PSD3: variants seen among roughly 807,000 people sequenced by gnomAD.
The protein encoded by PSD3 is pleckstrin and Sec7 domain containing 3.
A neutral mutation model predicts 105.5 loss-of-function variants in PSD3; 49 were observed. That is an observed-to-expected ratio of 0.46 (90% CI 0.37 to 0.59). PSD3 has a LOEUF of 0.59. PSD3 is among the 20% of genes least tolerant of loss of function. PSD3 has a pLI of 0.00. For synonymous variants in PSD3, 557 were observed against 457.8 expected (o/e 1.22, Z -2.77); for missense variants, 1,561 against 1,263.8 (o/e 1.24, Z -3.57).
intron 9 of PSD3, among the ~76,000 whole-genome samples, chr8:18,691,955 A>G (rs1379317853): frequency 2.6e-5 from 4 of 152,242 alleles, no homozygotes; most frequent in East Asian, 3.8e-4. Flanking sequence ...TCATTTATCA[A>G]AAGTCCTCTA....
intron 9 of PSD3, among the ~76,000 whole-genome samples, chr8:18,737,968 T>C (rs1333416086): frequency 2.0e-5 from 3 of 152,188 alleles, no homozygotes; most frequent in Admixed American, 2.0e-4. Context: ...AGAAACTGCT[T>C]ATAAATTATT....
chr8:18,964,676 C>T (rs1016369866), intron 1 of PSD3, among the ~76,000 whole-genome samples: 1 of 152,084 alleles, frequency 6.6e-6, no homozygotes. Context: ...TGAGTGGTTC[C>T]GAACTGCCTA....
intron 2 of PSD3, among the ~76,000 whole-genome samples, chr8:18,919,273 G>A (rs956964385): frequency 6.6e-5 from 10 of 152,072 alleles, no homozygotes; most frequent in South Asian, 2.1e-4. Context: ...AAGGAGTTTC[G>A]TATCTCTGCT....
At chr8:18,600,232 A>T (rs950194016) in intron 12 of PSD3, 132 bp downstream of exon 12, 117 of 834,156 alleles carry the variant, frequency 1.4e-4, no homozygotes, top group Middle Eastern at 6.7e-4. Flanking sequence ...TCCGCTGAAA[A>T]TTTTTTAACA....
At chr8:18,923,556 C>G (rs910466540) in intron 2 of PSD3, among the ~76,000 whole-genome samples, 8 of 152,168 alleles carry the variant, frequency 5.3e-5, no homozygotes, top group African/African-American at 1.4e-4. Context: ...TTTAGACATA[C>G]AAAGACCACT....
intron 15 of PSD3, among the ~76,000 whole-genome samples, chr8:18,549,171 T>C (rs993445854): frequency 2.6e-5 from 3 of 115,752 alleles, no homozygotes; most frequent in Non-Finnish European, 5.1e-5. Flanking sequence ...ATTCTGTCTA[T>C]TCTCAGTTTT....
rs746752362 is a variant in PSD3 at position 18,872,315 on chromosome 8, G to A, written c.549C>T (p.Val183=). 6.2e-7 allele frequency: 1 copy of A among 1,614,136 alleles called. No individual in the cohort carries two copies. Among genetic ancestry groups the A allele is most frequent in the Admixed American group, 1.7e-5 (1 of 60,020 alleles). Residue 183 remains valine (V), a synonymous_variant, in exon 3 of 16, where the codon GTC becomes GTT. Coordinates refer to ENST00000327040, the MANE Select transcript of PSD3 (RefSeq NM_015310.4). The part of the protein sequence containing the change: ...LDTASRKTQR[V]NKTLPAGQKN... ...TTTGGCCAGCAGGGAGCGTTTTGTT[G>A]ACTCTCTGTGTTTTACGACTGGCAG...
intron 9 of PSD3, among the ~76,000 whole-genome samples, chr8:18,685,578 C>A (rs934765270): frequency 3.0e-4 from 45 of 152,044 alleles, no homozygotes; most frequent in African/African-American, 1.1e-3. Context: ...CTCTCCTGTC[C>A]TTTGAGGTAC....
intron 4 of PSD3, among the ~76,000 whole-genome samples, chr8:18,845,162 A>G (rs1814983545): frequency 6.6e-6 from 1 of 152,230 alleles, no homozygotes; most frequent in African/African-American, 2.4e-5. Flanking sequence ...AGAATATTTC[A>G]TTACTACCAT....
At chr8:18,891,502 G>C (rs190185375) in intron 2 of PSD3, among the ~76,000 whole-genome samples, 4 of 151,990 alleles carry the variant, frequency 2.6e-5, no homozygotes, top group African/African-American at 9.7e-5. Context: ...TGTGATGGAA[G>C]TTCTATCCTA....
rs1400368542 is a variant in PSD3 at position 18,602,822 on chromosome 8, G to C, written c.2411-2388C>G. On this transcript the variant is annotated intron_variant, in intron 11 of 15. Coordinates refer to ENST00000327040, the MANE Select transcript of PSD3 (RefSeq NM_015310.4). ...GCTGTTGCCACTGGACCCTTGGTGA[G>C]GCTCTTCAAGCAAAACACAATGAGC... Among the ~76,000 whole-genome samples, 3 of 152,112 alleles carry C rather than the reference G, an allele frequency of 2.0e-5. No individual in the cohort carries two copies. The South Asian group carries it at 6.2e-4, about 32-fold the overall frequency.
intron 2 of PSD3, among the ~76,000 whole-genome samples, chr8:18,924,333 A>T (rs957397704): frequency 6.6e-6 from 1 of 152,218 alleles, no homozygotes; most frequent in African/African-American, 2.4e-5. Context: ...CAAGTCTAAC[A>T]CATACTTGTT....
At chr8:19,084,528 A>G in exon 1 of PSD3, 1 of 412,836 alleles carries the variant, frequency 2.4e-6, no homozygotes, top group Non-Finnish European at 4.9e-6. Context: ...TTCATCACTC[A>G]TGATGGGAGC....
intron 2 of PSD3, chr8:18,887,021 T>A (rs948244790): frequency 2.0e-5 from 3 of 152,278 alleles, no homozygotes; most frequent in African/African-American, 7.2e-5. Context: ...AGCTTTAATG[T>A]AACCATGTCC....
intron 1 of PSD3, among the ~76,000 whole-genome samples, chr8:18,936,778 T>C (rs1189236216): frequency 1.3e-5 from 2 of 150,474 alleles, no homozygotes; most frequent in African/African-American, 4.9e-5. Flanking sequence ...AAAAGAAAAC[T>C]GTATTTTGTT....
At chr8:18,593,448 G>A (rs535956510) in intron 12 of PSD3, among the ~76,000 whole-genome samples, 13 of 152,228 alleles carry the variant, frequency 8.5e-5, no homozygotes, top group Admixed American at 4.6e-4. Context: ...CAGTTAGAAC[G>A]GCGATCGTTA....
intron 4 of PSD3, among the ~76,000 whole-genome samples, chr8:18,820,995 C>G (rs1205748845): frequency 6.6e-6 from 1 of 152,172 alleles, no homozygotes; most frequent in Non-Finnish European, 1.5e-5. Flanking sequence ...AGTAATTCTC[C>G]TACCCCAGCC....
At chr8:18,968,385 G>A (rs543723626) in intron 1 of PSD3, among the ~76,000 whole-genome samples, 31 of 152,280 alleles carry the variant, frequency 2.0e-4, no homozygotes, top group African/African-American at 5.8e-4. Context: ...AATTGTCCTC[G>A]TTCAAATGGT....
chr8:18,609,692 G>A (rs970978572), intron 11 of PSD3, among the ~76,000 whole-genome samples: 1 of 152,212 alleles, frequency 6.6e-6, no homozygotes, highest in Admixed American at 6.5e-5. Flanking sequence ...ACGCAGGGAG[G>A]AGTCTGCTTT....
Sources: gnomAD v4.1 joint callset for allele counts (sites outside exome capture counted in the v4.1 genomes callset) on GRCh38, gnomAD v4.1.1 for gene constraint, MANE v1.5 for transcripts, NCBI Gene and HGNC (gene_info 2026-07-23, HGNC 2026-07-21) for gene names.